Variants in JAM2 observed in about 807,000 individuals in gnomAD.
The protein encoded by JAM2 is junctional adhesion molecule 2, also known as junctional adhesion molecule B.
In JAM2, 17 loss-of-function variants were observed where a neutral mutation model predicts 42.0. The observed-to-expected ratio is 0.40, with a 90% CI of 0.28 to 0.61. The LOEUF is 0.61. Among genes scored for constraint, JAM2 ranks in the 20% least tolerant of loss-of-function variants. The probability of loss-of-function intolerance (pLI) is 0.37; values close to 1 mark genes in which losing one functional copy is unlikely to be tolerated. For missense variants in JAM2, 319 were observed against 358.3 expected (o/e 0.89, Z 0.89); for synonymous variants, 118 against 128.6 (o/e 0.92, Z 0.56).
intron 1 of JAM2, among the ~76,000 whole-genome samples, chr21:25,681,711 A>G (rs1229269391): frequency 1.3e-5 from 2 of 152,284 alleles, no homozygotes; most frequent in African/African-American, 2.4e-5. Context: ...GGCCGGGCAC[A>G]GTGGCTCACG....
chr21:25,680,532 A>C (rs922942348), intron 1 of JAM2, among the ~76,000 whole-genome samples: 1 of 152,232 alleles, frequency 6.6e-6, no homozygotes, highest in South Asian at 2.1e-4. Flanking sequence ...GGGATTTGTA[A>C]AAATAAGACA....
chr21:25,703,863 A>C (rs1050357308), intron 6 of JAM2, among the ~76,000 whole-genome samples: 1 of 152,096 alleles, frequency 6.6e-6, no homozygotes, highest in African/African-American at 2.4e-5. Context: ...AACATCACAG[A>C]AAATGGTGAA....
chr21:25,712,754 T>A (rs1437801026), intron 9 of JAM2, among the ~76,000 whole-genome samples: 1 of 152,194 alleles, frequency 6.6e-6, no homozygotes, highest in Non-Finnish European at 1.5e-5. Flanking sequence ...GGACCCAGGC[T>A]CTTTTCTTCC....
At chr21:25,682,470 C>T (rs903209946) in intron 1 of JAM2, among the ~76,000 whole-genome samples, 1 of 152,224 alleles carries the variant, frequency 6.6e-6, no homozygotes, top group Non-Finnish European at 1.5e-5. Context: ...GCAGGACGTG[C>T]GACAGGGGTG....
intron 1 of JAM2, among the ~76,000 whole-genome samples, chr21:25,666,311 G>A (rs919250052): frequency 4.5e-5 from 4 of 88,544 alleles, no homozygotes; most frequent in East Asian, 5.6e-4. Context: ...ACATTGTTAC[G>A]GCTTTTATTA....
chr21:25,698,568 C>G, intron 4 of JAM2, 109 bp from the exon 5 acceptor site: 2 of 888,050 alleles, frequency 2.3e-6, no homozygotes, highest in Non-Finnish European at 3.5e-6. Context: ...ACCTCTTTAC[C>G]TGGCTATTAA....
chr21:25,648,738 C>T (rs10482967), intron 1 of JAM2, among the ~76,000 whole-genome samples: 59,826 of 151,936 alleles, frequency 0.39, 13,523 homozygotes, highest in East Asian at 0.66. Flanking sequence ...TGTACTGTTA[C>T]AATTTTTCCA....
intron 4 of JAM2, 63 bp downstream of exon 4, chr21:25,693,971 G>T: frequency 6.6e-7 from 1 of 1,525,738 alleles, no homozygotes; most frequent in South Asian, 1.2e-5. Context: ...AGCCCTGGGG[G>T]CAAGCAAGCA....
chr21:25,695,653 C>T (rs1364987094), intron 4 of JAM2, among the ~76,000 whole-genome samples: 1 of 150,964 alleles, frequency 6.6e-6, no homozygotes, highest in Non-Finnish European at 1.5e-5. Context: ...GGAGATGCTC[C>T]TCACTTCCCA....
intron 7 of JAM2, among the ~76,000 whole-genome samples, chr21:25,708,313 A>C (rs2034312628): frequency 6.6e-6 from 1 of 152,148 alleles, no homozygotes. Context: ...TCACACTTGC[A>C]TTCCCAACAC....
rs568079660 is a variant in JAM2 at position 25,716,491 on chromosome 21, G to A, written c.*1819G>A. 2.6e-5 allele frequency: 4 copies of A among 152,208 alleles called. No individual in the cohort carries two copies. The South Asian group carries it at 6.2e-4, about 24-fold the overall frequency. 9.4% of individuals were successfully genotyped at this position (152,208 alleles called of 1,614,324 possible). A position where few individuals can be genotyped will look rare whatever the true frequency, so the allele number is the denominator to read the frequency against. On this transcript the variant is annotated 3_prime_UTR_variant, in exon 10 of 10. Coordinates refer to ENST00000480456, the MANE Select transcript of JAM2 (RefSeq NM_021219.4). The stretch of plus-strand genomic sequence containing the variant: ...CTCACCAGATCCCTTCCTGGAGGTC[G>A]GGCTTCTGTAACATGGCTCTGCCCC...
chr21:25,691,600 G>C (rs2033882686), intron 3 of JAM2, among the ~76,000 whole-genome samples: 2 of 152,172 alleles, frequency 1.3e-5, no homozygotes, highest in African/African-American at 4.8e-5. Context: ...TTGTGCCGCA[G>C]TGTTACGTGA....
chr21:25,657,333 A>G (rs1166655571), intron 1 of JAM2, among the ~76,000 whole-genome samples: 1 of 152,216 alleles, frequency 6.6e-6, no homozygotes, highest in Non-Finnish European at 1.5e-5. Flanking sequence ...TCTTTTACCT[A>G]AAAGAGTATT....
chr21:25,705,253 G>C (rs1419404008), intron 6 of JAM2, among the ~76,000 whole-genome samples: 1 of 151,964 alleles, frequency 6.6e-6, no homozygotes, highest in Non-Finnish European at 1.5e-5. Context: ...TTTTTTAAGA[G>C]ACAGTCTTGC....
chr21:25,678,894 T>C (rs3787615), intron 1 of JAM2, among the ~76,000 whole-genome samples: 84,316 of 152,074 alleles, frequency 0.55, 24,042 homozygotes, highest in African/African-American at 0.7. Context: ...CAAACGCCTG[T>C]GCTCAAGTGA....
chr21:25,664,243 A>AT (rs959333515), intron 1 of JAM2, among the ~76,000 whole-genome samples: 42 of 148,688 alleles, frequency 2.8e-4, no homozygotes, highest in South Asian at 1.5e-3. Context: ...TTACTTATTT[A>AT]TTTTTTTTTT....
chr21:25,646,678 T>G (rs774879517), intron 1 of JAM2, among the ~76,000 whole-genome samples: 2 of 152,172 alleles, frequency 1.3e-5, no homozygotes, highest in African/African-American at 2.4e-5. Flanking sequence ...TCTATGAATC[T>G]TCAGGCCAGT....
intron 1 of JAM2, among the ~76,000 whole-genome samples, chr21:25,661,859 T>TAAAAAAACTG (rs1216202384): frequency 1.3e-5 from 2 of 152,128 alleles, no homozygotes; most frequent in African/African-American, 4.8e-5. Flanking sequence ...AGTTTTTCCC[T>TAAAAAAACTG]TTCCAAGATT....
At chr21:25,703,935 G>C (rs1349602523) in intron 6 of JAM2, among the ~76,000 whole-genome samples, 1 of 152,014 alleles carries the variant, frequency 6.6e-6, no homozygotes, top group East Asian at 1.9e-4. Context: ...TTTCACTGAA[G>C]AAAAATAACA....
Sources: gnomAD v4.1 joint callset for allele counts (sites outside exome capture counted in the v4.1 genomes callset) on GRCh38, gnomAD v4.1.1 for gene constraint, MANE v1.5 for transcripts, NCBI Gene and HGNC (gene_info 2026-07-23, HGNC 2026-07-21) for gene names.